Variants in ATP11B observed in about 807,000 individuals in gnomAD.
ATP11B encodes the protein phospholipid-transporting ATPase IF.
ATP11B carries 81 observed loss-of-function variants against 157.8 expected under a neutral mutation model. The ratio of observed to expected loss-of-function variants is 0.51; its 90% confidence interval spans 0.43 to 0.62. ATP11B has a LOEUF of 0.62. Among genes scored for constraint, ATP11B ranks in the 20% least tolerant of loss-of-function variants. ATP11B has a pLI of 0.00. For missense variants in ATP11B, 1,165 were observed against 1,402.2 expected (o/e 0.83, Z 2.70); for synonymous variants, 451 against 469.4 (o/e 0.96, Z 0.51).
intron 10 of ATP11B, among the ~76,000 whole-genome samples, chr3:182,853,281 C>T (rs1396517140): frequency 1.3e-5 from 2 of 152,142 alleles, no homozygotes; most frequent in Non-Finnish European, 2.9e-5. Flanking sequence ...GATCTCGGCT[C>T]TCTGCAACCT....
chr3:182,851,770 CAA>C (rs1719998100), intron 10 of ATP11B, among the ~76,000 whole-genome samples: 1 of 152,178 alleles, frequency 6.6e-6, no homozygotes, highest in South Asian at 2.1e-4. Context: ...GAATAGAAAA[CAA>C]ATAGCAAAAT....
At chr3:182,815,180 C>T (rs1357518581) in intron 1 of ATP11B, among the ~76,000 whole-genome samples, 5 of 152,196 alleles carry the variant, frequency 3.3e-5, no homozygotes, top group East Asian at 1.9e-4. Context: ...CTTGGAAGAC[C>T]GGACTGGTCT....
chr3:182,906,482 C>T (rs1381795696), intron 28 of ATP11B, among the ~76,000 whole-genome samples: 1 of 152,120 alleles, frequency 6.6e-6, no homozygotes, highest in Non-Finnish European at 1.5e-5. Flanking sequence ...CTCATTCCAT[C>T]TCCCAGGCTA....
rs527471500 is a variant in ATP11B at position 182,844,593 on chromosome 3, T to A, written c.705-865T>A. 144 of 980,242 alleles carry A rather than the reference T, an allele frequency of 1.5e-4. 2 individuals are homozygous for A. The South Asian group carries it at 6.2e-3, about 42-fold the overall frequency. The allele number at this position is 980,242 out of a possible 1,614,324, so 60.7% of individuals were successfully genotyped here. A position where few individuals can be genotyped will look rare whatever the true frequency, so the allele number is the denominator to read the frequency against. On this transcript the variant is annotated intron_variant, in intron 8 of 29. Coordinates refer to ENST00000323116, the MANE Select transcript of ATP11B (RefSeq NM_014616.3). The stretch of plus-strand genomic sequence containing the variant: ...GACCTGTGCTTCAAGAAGTATGCAA[T>A]GCAAGTAGTCAAGTTATACTGTGCG...
At chr3:182,854,787 A>G (rs1720250204) in intron 10 of ATP11B, among the ~76,000 whole-genome samples, 1 of 136,992 alleles carries the variant, frequency 7.3e-6, no homozygotes, top group African/African-American at 2.8e-5. Flanking sequence ...ACACACACAC[A>G]CACACACACA....
At chr3:182,807,155 G>C (rs1454691387) in intron 1 of ATP11B, among the ~76,000 whole-genome samples, 1 of 152,162 alleles carries the variant, frequency 6.6e-6, no homozygotes, top group Non-Finnish European at 1.5e-5. Flanking sequence ...CTTGAACCTA[G>C]AGAGTTTTTC....
intron 28 of ATP11B, among the ~76,000 whole-genome samples, chr3:182,904,803 C>T (rs1367578716): frequency 1.3e-5 from 2 of 149,280 alleles, no homozygotes; most frequent in African/African-American, 2.5e-5. Flanking sequence ...ACAAGAGAAT[C>T]GCTTGAAGCC....
intron 10 of ATP11B, 143 bp downstream of exon 10, chr3:182,848,700 C>T (rs1719732849): frequency 3.1e-6 from 1 of 319,382 alleles, no homozygotes; most frequent in African/African-American, 2.2e-5. Context: ...TATATTTTTA[C>T]ATACAAGTAA....
intron 28 of ATP11B, among the ~76,000 whole-genome samples, chr3:182,899,717 A>G (rs1481072645): frequency 6.6e-6 from 1 of 152,160 alleles, no homozygotes; most frequent in African/African-American, 2.4e-5. Context: ...TAGTAAAATT[A>G]TGATAGAAAT....
At chr3:182,814,712 A>G (rs1469819377) in intron 1 of ATP11B, among the ~76,000 whole-genome samples, 1 of 152,064 alleles carries the variant, frequency 6.6e-6, no homozygotes, top group Non-Finnish European at 1.5e-5. Context: ...AGAGGCTGAA[A>G]TGAGAGGATC....
At chr3:182,797,617 A>C (rs922498948) in intron 1 of ATP11B, among the ~76,000 whole-genome samples, 1 of 152,180 alleles carries the variant, frequency 6.6e-6, no homozygotes, top group African/African-American at 2.4e-5. Flanking sequence ...CTGAAGCAGC[A>C]GAATCACTTG....
intron 1 of ATP11B, among the ~76,000 whole-genome samples, chr3:182,814,899 G>C (rs1388952334): frequency 6.6e-6 from 1 of 152,140 alleles, no homozygotes; most frequent in Non-Finnish European, 1.5e-5. Context: ...CCGTATAAAA[G>C]GTTTGGTGGG....
chr3:182,910,987 T>C (rs977633091), intron 28 of ATP11B, among the ~76,000 whole-genome samples: 41 of 152,230 alleles, frequency 2.7e-4, no homozygotes, highest in African/African-American at 9.7e-4. Context: ...TTAACAGTTA[T>C]AAACATACTT....
chr3:182,881,358 C>T (rs1046458530), intron 21 of ATP11B, among the ~76,000 whole-genome samples: 3 of 152,014 alleles, frequency 2.0e-5, no homozygotes, highest in Non-Finnish European at 4.4e-5. Context: ...TGCTTGAACC[C>T]GGGAGGCAGA....
At chr3:182,856,930 A>T (rs1035742976) in intron 10 of ATP11B, among the ~76,000 whole-genome samples, 1 of 152,176 alleles carries the variant, frequency 6.6e-6, no homozygotes, top group African/African-American at 2.4e-5. Flanking sequence ...CTTGTTTTGC[A>T]TACATTTGAA....
At chr3:182,856,079 G>A (rs1353635796) in intron 10 of ATP11B, among the ~76,000 whole-genome samples, 2 of 152,128 alleles carry the variant, frequency 1.3e-5, no homozygotes, top group African/African-American at 4.8e-5. Context: ...ACCTCAAGCA[G>A]AAATGTACAT....
In ATP11B at chr3:182,864,357, C is replaced by G. The variant is rs138373189; in HGVS notation, c.1201-1099C>G. 9.9e-4 allele frequency among the ~76,000 whole-genome samples: 151 copies of G among 152,252 alleles called. 1 individual carries two copies. In the Middle Eastern group the frequency reaches 0.027, roughly 27 times the overall value. On this transcript the variant is annotated intron_variant, in intron 12 of 29. Coordinates refer to ENST00000323116, the MANE Select transcript of ATP11B (RefSeq NM_014616.3). ...ATCTTAGGAAGACAGCATTCAGTCT[C>G]TCTCCATAAGGTACGATGTTAACTG...
At chr3:182,802,132 A>G (rs2108483819) in intron 1 of ATP11B, among the ~76,000 whole-genome samples, 1 of 152,270 alleles carries the variant, frequency 6.6e-6, no homozygotes, top group Middle Eastern at 3.4e-3. Flanking sequence ...TGGGGAGCAA[A>G]TCGTATCTCC....
chr3:182,817,407 A>G (rs1487708924), intron 1 of ATP11B, among the ~76,000 whole-genome samples: 1 of 152,016 alleles, frequency 6.6e-6, no homozygotes, highest in African/African-American at 2.4e-5. Context: ...CAGCCTCCCA[A>G]ATAGCTGGGA....
Sources: gnomAD v4.1 joint callset for allele counts (sites outside exome capture counted in the v4.1 genomes callset) on GRCh38, gnomAD v4.1.1 for gene constraint, MANE v1.5 for transcripts, NCBI Gene and HGNC (gene_info 2026-07-23, HGNC 2026-07-21) for gene names.